The following TSPAN9 variants were observed in gnomAD, a reference collection of about 807,000 sequenced individuals.
The protein encoded by TSPAN9 is tetraspanin 9.
In TSPAN9, 16 loss-of-function variants were observed where a neutral mutation model predicts 31.0. That is an observed-to-expected ratio of 0.52 (90% CI 0.35 to 0.78). The LOEUF is 0.78. Ranked by LOEUF, TSPAN9 falls within the 30% of genes least tolerant of loss-of-function variation. The pLI is 0.01. For synonymous variants in TSPAN9, 145 were observed against 121.6 expected, an observed-to-expected ratio of 1.19 and a Z score of -1.27; for missense variants, 272 against 312.5, an observed-to-expected ratio of 0.87 and a Z score of 0.98.
intron 1 of TSPAN9, among the ~76,000 whole-genome samples, chr12:3,081,832 GTGTC>G (rs1204723052): frequency 5.7e-4 from 16 of 28,120 alleles, no homozygotes; most frequent in African/African-American, 2.3e-3. Flanking sequence ...GTGTGTGTGT[GTGTC>G]TGTGTGTGTA....
intron 2 of TSPAN9, among the ~76,000 whole-genome samples, chr12:3,166,940 G>T (rs1166457815): frequency 1.3e-5 from 2 of 152,140 alleles, no homozygotes; most frequent in Non-Finnish European, 2.9e-5. Flanking sequence ...GGGATTACAG[G>T]CATGCGCCAC....
intron 3 of TSPAN9, among the ~76,000 whole-genome samples, chr12:3,241,922 G>A (rs1331378204): frequency 2.0e-5 from 3 of 152,208 alleles, no homozygotes; most frequent in South Asian, 2.1e-4. Flanking sequence ...CAGCTGCTTC[G>A]GAGTTGGGGC....
intron 2 of TSPAN9, among the ~76,000 whole-genome samples, chr12:3,186,713 T>G (rs1230611341): frequency 6.6e-6 from 1 of 152,140 alleles, no homozygotes; most frequent in African/African-American, 2.4e-5. Context: ...TAATTTCAGT[T>G]GTGTTTTTCT....
chr12:3,202,676 G>A (rs2153973161), intron 3 of TSPAN9, among the ~76,000 whole-genome samples: 1 of 152,206 alleles, frequency 6.6e-6, no homozygotes, highest in South Asian at 2.1e-4. Flanking sequence ...TCTCTCTTGG[G>A]GAGAGAAGCC....
chr12:3,201,512 A>G (rs1291344515), intron 3 of TSPAN9, among the ~76,000 whole-genome samples: 1 of 152,106 alleles, frequency 6.6e-6, no homozygotes, highest in Non-Finnish European at 1.5e-5. Context: ...GGAGGCTGGC[A>G]AAGTTTGGCA....
At chr12:3,268,036 A>T (rs112199046) in intron 3 of TSPAN9, among the ~76,000 whole-genome samples, 1,827 of 152,312 alleles carry the variant, frequency 0.012, 34 homozygotes, top group African/African-American at 0.041. Context: ...AGCAAAGGGC[A>T]GTCCCCTCCA....
At chr12:3,219,757 T>G (rs1036277335) in intron 3 of TSPAN9, among the ~76,000 whole-genome samples, 8 of 150,390 alleles carry the variant, frequency 5.3e-5, no homozygotes, top group Non-Finnish European at 1.2e-4. Context: ...ATACCTAATG[T>G]AGATGATGGG....
At chr12:3,240,802 C>T (rs773630261) in intron 3 of TSPAN9, among the ~76,000 whole-genome samples, 4 of 152,050 alleles carry the variant, frequency 2.6e-5, no homozygotes, top group Admixed American at 6.6e-5. Context: ...ACTGAGATGG[C>T]GTGGACGTTG....
intron 3 of TSPAN9, among the ~76,000 whole-genome samples, chr12:3,226,641 ATTT>A (rs2098387270): frequency 1.0e-5 from 1 of 100,334 alleles, no homozygotes; most frequent in Non-Finnish European, 2.0e-5. Context: ...TCTTAAAAAA[ATTT>A]TATATATATG....
At position 3,202,020 on chromosome 12, in the gene TSPAN9, T is replaced by C. The variant is rs73047987; in HGVS notation, c.63+764T>C. 7.3e-3 allele frequency among the ~76,000 whole-genome samples: 1,108 copies of C among 152,340 alleles called. 13 individuals are homozygous for C. The highest frequency in any genetic ancestry group is 0.011 in the Non-Finnish European group (721 of 68,032). On this transcript the variant is annotated intron_variant, in intron 3 of 8. Transcript: ENST00000011898. ...CAAAGGGAGACAAGCAGGGTGCCCCTGTCCTTGGTGAGAGGCACTTTTGTA... is the reference window on the plus strand; with the variant it reads ...CAAAGGGAGACAAGCAGGGTGCCCCCGTCCTTGGTGAGAGGCACTTTTGTA...
chr12:3,125,797 A>G (rs1176516498), intron 2 of TSPAN9, among the ~76,000 whole-genome samples: 4 of 152,096 alleles, frequency 2.6e-5, no homozygotes, highest in African/African-American at 7.2e-5. Context: ...GTGGCTGACA[A>G]TACGTTTGAA....
chr12:3,096,433 C>CTTTTTTTTTTTTTTTTTTTTTTTTT (rs1302577208), intron 2 of TSPAN9, among the ~76,000 whole-genome samples: 1 of 152,236 alleles, frequency 6.6e-6, no homozygotes, highest in East Asian at 1.9e-4. Flanking sequence ...TGCATTGTCT[C>CTTTTTTTTTTTTTTTTTTTTTTTTT]TTTATTCCTT....
At chr12:3,123,132 A>G (rs1471556076) in intron 2 of TSPAN9, among the ~76,000 whole-genome samples, 1 of 152,144 alleles carries the variant, frequency 6.6e-6, no homozygotes, top group Non-Finnish European at 1.5e-5. Flanking sequence ...TGGCTGGACA[A>G]TGCCACAGTG....
At chr12:3,255,994 G>A (rs1009699566) in intron 3 of TSPAN9, among the ~76,000 whole-genome samples, 9 of 152,168 alleles carry the variant, frequency 5.9e-5, no homozygotes, top group African/African-American at 2.2e-4. Flanking sequence ...TGTCTTTCAG[G>A]CAGGGCTGTT....
rs142635987 is a variant in TSPAN9 at position 3,190,062 on chromosome 12, C to T, written c.-17-11115C>T. On this transcript the variant is annotated intron_variant, in intron 2 of 8. Transcript: ENST00000011898. Reference sequence around the variant, plus strand: ...CGCTGGTTCTTCTCCATCTTCTTCACTTTACAGCACCCCCAAGTGCTGCTC... The same window carrying T: ...CGCTGGTTCTTCTCCATCTTCTTCATTTTACAGCACCCCCAAGTGCTGCTC... 3.4e-3 allele frequency among the ~76,000 whole-genome samples: 512 copies of T among 152,350 alleles called. 5 individuals are homozygous for T. Among genetic ancestry groups the T allele is most frequent in the Non-Finnish European group, 3.8e-3 (258 of 68,032 alleles).
rs528120791 is a variant in TSPAN9, at chr12:3,150,213, C to T, written c.-17-50964C>T. On this transcript the variant is annotated intron_variant, in intron 2 of 8. Coordinates refer to ENST00000011898, the MANE Select transcript of TSPAN9 (RefSeq NM_006675.5). Reference sequence around the variant, plus strand: ...GTCTCGGCCTCCCTCGGTCTGTTTCCGCCCCTCTGCCAGTTATAGGCTTAA... The same window carrying T: ...GTCTCGGCCTCCCTCGGTCTGTTTCTGCCCCTCTGCCAGTTATAGGCTTAA... Among the ~76,000 whole-genome samples, 14 of 152,320 alleles carry T rather than the reference C, an allele frequency of 9.2e-5. No homozygotes were observed. The South Asian group carries it at 1.5e-3, about 16-fold the overall frequency.
At chr12:3,134,308 G>T (rs2098331109) in intron 2 of TSPAN9, among the ~76,000 whole-genome samples, 1 of 152,208 alleles carries the variant, frequency 6.6e-6, no homozygotes, top group African/African-American at 2.4e-5. Flanking sequence ...TGTGGGAACA[G>T]TTACACAATT....
chr12:3,194,619 T>G (rs909237771), intron 2 of TSPAN9, among the ~76,000 whole-genome samples: 1 of 152,188 alleles, frequency 6.6e-6, no homozygotes, highest in Non-Finnish European at 1.5e-5. Context: ...ATTCCTGGGC[T>G]CAAGCGATTC....
intron 2 of TSPAN9, among the ~76,000 whole-genome samples, chr12:3,089,093 G>T (rs1351219445): frequency 6.6e-6 from 1 of 151,540 alleles, no homozygotes; most frequent in Non-Finnish European, 1.5e-5. Context: ...TTAGCCGGGC[G>T]TGGTGGCGGG....
Sources: gnomAD v4.1 joint callset for allele counts (sites outside exome capture counted in the v4.1 genomes callset) on GRCh38, gnomAD v4.1.1 for gene constraint, MANE v1.5 for transcripts, NCBI Gene and HGNC (gene_info 2026-07-23, HGNC 2026-07-21) for gene names.